CPVL: variants seen among roughly 807,000 people sequenced by gnomAD.
CPVL encodes the protein carboxypeptidase vitellogenic like, also known as probable serine carboxypeptidase CPVL.
A neutral mutation model predicts 63.7 loss-of-function variants in CPVL; 51 were observed. The ratio of observed to expected loss-of-function variants is 0.80; its 90% CI spans 0.64 to 1.01. The LOEUF (loss-of-function observed/expected upper bound fraction) is 1.01. CPVL is among the 50% of genes least tolerant of loss of function. The pLI is 0.00. For missense variants in CPVL, 530 were observed against 573.1 expected (o/e 0.92, Z 0.77); for synonymous variants, 195 against 206.0 (o/e 0.95, Z 0.46).
At chr7:29,066,430 A>T (rs1379425110) in intron 9 of CPVL, among the ~76,000 whole-genome samples, 1 of 152,222 alleles carries the variant, frequency 6.6e-6, no homozygotes, top group African/African-American at 2.4e-5. Flanking sequence ...AGGGAATGAC[A>T]AGGAGAAAAC....
intron 5 of CPVL, among the ~76,000 whole-genome samples, chr7:29,167,798 C>T (rs1302247058): frequency 6.6e-6 from 1 of 152,210 alleles, no homozygotes; most frequent in East Asian, 1.9e-4. Flanking sequence ...GAAGGAATTG[C>T]ACTTCCTAAA....
chr7:29,120,605 C>A (rs1005543124), intron 2 of CPVL, among the ~76,000 whole-genome samples: 1 of 151,330 alleles, frequency 6.6e-6, no homozygotes, highest in Non-Finnish European at 1.5e-5. Flanking sequence ...GGGTGAATCT[C>A]GAGGTCAAGA....
At position 29,070,709 on chromosome 7, in the gene CPVL, T is replaced by C. The variant is rs543151786; in HGVS notation, c.864+1064A>G. 3.3e-5 allele frequency among the ~76,000 whole-genome samples: 5 copies of C among 152,312 alleles called. No homozygotes were observed. The East Asian group carries it at 9.7e-4, about 29-fold the overall frequency. On this transcript the variant is annotated intron_variant, in intron 9 of 12. Transcript: ENST00000265394. ...ATGGCTCAGGACTCCCTTTGCTCCA[T>C]CCATTTGCACAGCTAGCTGCTATCA...
chr7:29,030,690 T>C lies in CPVL; in HGVS notation c.1207A>G (p.Met403Val), dbSNP rs1466084628. Residue 403 changes from methionine to valine, a missense_variant, in exon 12 of 13, where the codon ATG becomes GTG. Physicochemically the swap from Met to Val is conservative, Grantham distance 21. Coordinates refer to ENST00000265394, the MANE Select transcript of CPVL (RefSeq NM_031311.5). ...AALTERSLMGMDWKGSQEYKK... is the reference protein window; with the variant it reads ...AALTERSLMGVDWKGSQEYKK... ...TATTCCTGGGATCCTTTCCAGTCCA[T>C]GCCCATCAAGGAGCGCTCTGTCAGG... 1.2e-6 allele frequency: 2 copies of C among 1,614,008 alleles called. No individual in the cohort carries two copies. The highest frequency in any genetic ancestry group is 1.7e-6 in the Non-Finnish European group (2 of 1,179,938).
chr7:29,180,137 GTTTT>G (rs1562811617), intron 5 of CPVL, among the ~76,000 whole-genome samples: 1 of 152,060 alleles, frequency 6.6e-6, no homozygotes, highest in Non-Finnish European at 1.5e-5. Context: ...TTCCCCAATA[GTTTT>G]TTTATTAGAA....
chr7:29,057,609 C>G (rs1199567535), intron 11 of CPVL, among the ~76,000 whole-genome samples: 2 of 152,136 alleles, frequency 1.3e-5, no homozygotes, highest in African/African-American at 4.8e-5. Flanking sequence ...TAAGTTAATG[C>G]CTACAAGTGT....
chr7:29,146,948 A>G, upstream of CPVL: 2 of 1,551,116 alleles, frequency 1.3e-6, no homozygotes, highest in Non-Finnish European at 1.7e-6. Flanking sequence ...TCTACATTCC[A>G]GCTGCACTAG....
chr7:29,147,159 G>A (rs776478230), upstream of CPVL: 3 of 711,750 alleles, frequency 4.2e-6, no homozygotes, highest in Middle Eastern at 4.0e-4. Flanking sequence ...CCACCACCAG[G>A]TGCTGGGCAT....
chr7:29,068,459 T>C (rs1436873503), intron 9 of CPVL, among the ~76,000 whole-genome samples: 1 of 152,084 alleles, frequency 6.6e-6, no homozygotes, highest in Admixed American at 6.5e-5. Context: ...AATGCTACCA[T>C]TGCTCAGGGC....
At chr7:29,142,085 C>T (rs1014184065) in intron 1 of CPVL, among the ~76,000 whole-genome samples, 1 of 152,198 alleles carries the variant, frequency 6.6e-6, no homozygotes, top group African/African-American at 2.4e-5. Flanking sequence ...TCACCTTACC[C>T]CCTGAACTTC....
At chr7:29,061,336 C>T (rs566008527) in intron 11 of CPVL, among the ~76,000 whole-genome samples, 14 of 152,056 alleles carry the variant, frequency 9.2e-5, no homozygotes, top group Non-Finnish European at 1.8e-4. Flanking sequence ...TCACTTGAAC[C>T]CGGGATGTGG....
chr7:29,096,008 C>A (rs1786366744), intron 4 of CPVL, 95 bp downstream of exon 4: 1 of 965,182 alleles, frequency 1.0e-6, no homozygotes, highest in Admixed American at 1.7e-5. Flanking sequence ...TTAAGCTATT[C>A]ATAGTGGTTC....
intron 5 of CPVL, among the ~76,000 whole-genome samples, chr7:29,157,323 T>G (rs1253218110): frequency 6.7e-6 from 1 of 149,920 alleles, no homozygotes. Flanking sequence ...AAAATTGCAA[T>G]CCTTCTCCAC....
chr7:29,020,973 CG>C (rs1786909643), intron 12 of CPVL, among the ~76,000 whole-genome samples: 1 of 152,022 alleles, frequency 6.6e-6, no homozygotes, highest in Non-Finnish European at 1.5e-5. Flanking sequence ...GTCAGGAGTT[CG>C]AGAACAGCCT....
At chr7:29,064,326 A>AC in intron 10 of CPVL, 92 bp from the exon 11 acceptor site, 2 of 653,756 alleles carry the variant, frequency 3.1e-6, no homozygotes, top group Non-Finnish European at 4.8e-6. Context: ...ATAACATACA[A>AC]CATGGAGAAA....
chr7:29,161,171 A>T (rs1170138437), intron 5 of CPVL, among the ~76,000 whole-genome samples: 1 of 152,172 alleles, frequency 6.6e-6, no homozygotes, highest in African/African-American at 2.4e-5. Context: ...GGAAAAACTG[A>T]AATGTTTTCA....
upstream of CPVL, chr7:29,147,031 A>G (rs1792822712): frequency 1.9e-6 from 3 of 1,542,456 alleles, no homozygotes; most frequent in African/African-American, 1.4e-5. Flanking sequence ...TCTCAGAGCC[A>G]CCTGATGTGT....
intron 5 of CPVL, among the ~76,000 whole-genome samples, chr7:29,170,287 ATTACTAGAGCAACTCT>A (rs1209537807): frequency 6.6e-6 from 1 of 152,148 alleles, no homozygotes; most frequent in Non-Finnish European, 1.5e-5. Context: ...GCTAATCTTA[ATTACTAGAGCAACTCT>A]AGGGAACAGT....
chr7:28,996,835 C>T lies in CPVL; in HGVS notation c.1321-953G>A, dbSNP rs1784123417. ...AGTAAAATGGGCATGTAGTGCACTTCCCCCACACACTTCAGCATCACATTA... is the reference window on the plus strand; with the variant it reads ...AGTAAAATGGGCATGTAGTGCACTTTCCCCACACACTTCAGCATCACATTA... On this transcript the variant is annotated intron_variant, in intron 12 of 12. Coordinates refer to ENST00000265394, the MANE Select transcript of CPVL (RefSeq NM_031311.5). Among the ~76,000 whole-genome samples the T allele has an allele frequency of 5.3e-5, 8 of 151,802 alleles. No individual in the cohort carries two copies. The South Asian group carries it at 1.7e-3, about 31-fold the overall frequency.
Sources: allele counts gnomAD v4.1 joint callset (sites outside exome capture counted in the v4.1 genomes callset), GRCh38; gene constraint gnomAD v4.1.1; transcripts MANE v1.5; gene names NCBI Gene and HGNC (gene_info 2026-07-23, HGNC 2026-07-21).